FGF14: variants seen among roughly 807,000 people sequenced by gnomAD.
FGF14 encodes the protein fibroblast growth factor 14.
FGF14 carries 5 observed loss-of-function variants against 25.5 expected under a neutral mutation model. That is an observed-to-expected ratio of 0.20 (90% confidence interval 0.10 to 0.41). FGF14 has a LOEUF of 0.41. Among genes scored for constraint, FGF14 ranks in the 10% least tolerant of loss-of-function variants. FGF14 has a pLI of 1.00. For missense variants in FGF14, 222 were observed against 320.1 expected (o/e 0.69, Z 2.34); for synonymous variants, 138 against 118.3 (o/e 1.17, Z -1.08).
rs189061713 is a variant in FGF14 at position 102,211,050 on chromosome 13, C to T, written c.208+190421G>A. Among the ~76,000 whole-genome samples the T allele has an allele frequency of 3.0e-4, 46 of 152,208 alleles. No individual in the cohort carries two copies. In the South Asian group the frequency reaches 6.6e-3, roughly 22 times the overall value. Reference sequence around the variant, plus strand: ...TGTTTATTTCTCTGACTGCCCTCCTCCCTTTATTCTCATTTTTTATCTTTC... The same window carrying T: ...TGTTTATTTCTCTGACTGCCCTCCTTCCTTTATTCTCATTTTTTATCTTTC... On this transcript the variant is annotated intron_variant, in intron 1 of 4. Transcript: ENST00000376131.
chr13:101,929,418 A>G (rs931547125), intron 1 of FGF14, among the ~76,000 whole-genome samples: 2 of 152,228 alleles, frequency 1.3e-5, no homozygotes, highest in African/African-American at 4.8e-5. Context: ...GAAGCAGCCT[A>G]ATCTGTGTCA....
intron 1 of FGF14, among the ~76,000 whole-genome samples, chr13:101,974,521 T>C (rs1277154215): frequency 3.9e-5 from 6 of 152,166 alleles, no homozygotes; most frequent in African/African-American, 1.4e-4. Flanking sequence ...TGCAACATAA[T>C]AATATTTTAA....
At position 102,040,576 on chromosome 13, in the gene FGF14, C is replaced by T. The variant is rs558456437; in HGVS notation, c.209-165280G>A. Among the ~76,000 whole-genome samples the T allele has an allele frequency of 5.9e-5, 9 of 152,148 alleles. No individual in the cohort carries two copies. In the South Asian group the frequency reaches 1.2e-3, roughly 21 times the overall value. On this transcript the variant is annotated intron_variant, in intron 1 of 4. Coordinates refer to the FGF14 transcript ENST00000376131. The stretch of plus-strand genomic sequence containing the variant: ...ATCATGTCACAAAAATACAGTGAAA[C>T]GCTAGGAAAGCTTCTTTGTAGGATA...
intron 3 of FGF14, among the ~76,000 whole-genome samples, chr13:101,779,876 G>A (rs963496728): frequency 4.6e-5 from 7 of 152,096 alleles, no homozygotes; most frequent in African/African-American, 1.7e-4. Context: ...GAAACTGCAT[G>A]GGCTATGTGT....
intron 1 of FGF14, among the ~76,000 whole-genome samples, chr13:102,269,528 TTATTTTATTTTG>T (rs1357426243): frequency 1.3e-5 from 2 of 152,158 alleles, no homozygotes; most frequent in East Asian, 1.9e-4. Context: ...CTGGCAATCT[TTATTTTATTTTG>T]TATTTTATTT....
At chr13:102,335,929 C>T (rs565065747) in intron 1 of FGF14, among the ~76,000 whole-genome samples, 64 of 152,196 alleles carry the variant, frequency 4.2e-4, no homozygotes, top group South Asian at 6.2e-4. Context: ...CATGTAAGAC[C>T]GTGAACTTCA....
chr13:102,112,847 A>G (rs2045299200), intron 1 of FGF14, among the ~76,000 whole-genome samples: 1 of 152,332 alleles, frequency 6.6e-6, no homozygotes, highest in East Asian at 1.9e-4. Context: ...AGTTTCATCA[A>G]GCTTGAGCAA....
At position 101,898,341 on chromosome 13, in the gene FGF14, A is replaced by AACACACACACACACACAC. The variant is rs55676818; in HGVS notation, c.193+18094_193+18111dup. On this transcript the variant is annotated intron_variant, in intron 1 of 4. Coordinates refer to ENST00000376143, the MANE Select transcript of FGF14 (RefSeq NM_004115.4). ...ACCTGTATAAAGGCATGAAACATAC[A>AACACACACACACACACAC]ACACACACACACACACACACACACA... Among the ~76,000 whole-genome samples, 103 of 144,464 alleles carry AACACACACACACACACAC rather than the reference A, an allele frequency of 7.1e-4. 1 individual carries two copies. Among genetic ancestry groups the AACACACACACACACACAC allele is most frequent in the African/African-American group, 2.5e-3 (98 of 38,538 alleles). The allele number at this position is 144,464 out of a possible 152,430, so 94.8% of individuals were successfully genotyped here.
At chr13:101,793,739 C>T (rs1406797440) in intron 3 of FGF14, among the ~76,000 whole-genome samples, 2 of 152,086 alleles carry the variant, frequency 1.3e-5, no homozygotes, top group African/African-American at 4.8e-5. Context: ...CCCATCACTT[C>T]CTACACCCAA....
chr13:102,312,288 A>G (rs1443527619), intron 1 of FGF14, among the ~76,000 whole-genome samples: 1 of 151,964 alleles, frequency 6.6e-6, no homozygotes, highest in Non-Finnish European at 1.5e-5. Flanking sequence ...AAAAAACTTA[A>G]GTGGGAGAGA....
At chr13:102,248,398 G>C (rs1159310949) in intron 1 of FGF14, among the ~76,000 whole-genome samples, 6 of 152,122 alleles carry the variant, frequency 3.9e-5, no homozygotes, top group African/African-American at 1.4e-4. Context: ...TGAGGAAACA[G>C]ATAAAATGAG....
intron 1 of FGF14, among the ~76,000 whole-genome samples, chr13:102,350,304 G>A (rs1300983725): frequency 1.3e-5 from 2 of 151,882 alleles, no homozygotes; most frequent in African/African-American, 4.8e-5. Flanking sequence ...AAGAGTTTGA[G>A]GTTGTTGTGA....
At chr13:101,956,485 A>G (rs1181175515) in intron 1 of FGF14, among the ~76,000 whole-genome samples, 1 of 152,146 alleles carries the variant, frequency 6.6e-6, no homozygotes, top group Non-Finnish European at 1.5e-5. Context: ...ATGTATCGGG[A>G]GACTGGTAGT....
intron 1 of FGF14, among the ~76,000 whole-genome samples, chr13:102,318,589 GTCT>G (rs376935154): frequency 7.8e-4 from 119 of 152,236 alleles, no homozygotes; most frequent in African/African-American, 2.8e-3. Flanking sequence ...CCTGATCTGT[GTCT>G]TCTTCTTCGA....
At chr13:102,007,757 T>C (rs905881598) in intron 1 of FGF14, among the ~76,000 whole-genome samples, 8 of 152,226 alleles carry the variant, frequency 5.3e-5, no homozygotes, top group Admixed American at 5.2e-4. Flanking sequence ...GTTATTAACT[T>C]TTCACTCTAT....
Position 101,819,115 on chromosome 13 carries a change from G to A in FGF14, c.408+49610C>T, listed in dbSNP as rs138180451. Among the ~76,000 whole-genome samples, 7 of 152,238 alleles carry A rather than the reference G, an allele frequency of 4.6e-5. No homozygotes were observed. In the East Asian group the frequency reaches 1.3e-3, roughly 29 times the overall value. On this transcript the variant is annotated intron_variant, in intron 3 of 4. Coordinates refer to ENST00000376143, the MANE Select transcript of FGF14 (RefSeq NM_004115.4). ...ATCATTGTAACAAGCTTACAAGGTA[G>A]GGATTGTTTATCCCAAATTTACAGT...
intron 1 of FGF14, among the ~76,000 whole-genome samples, chr13:102,275,585 A>T (rs935904565): frequency 4.6e-5 from 7 of 152,168 alleles, no homozygotes; most frequent in Non-Finnish European, 7.4e-5. Flanking sequence ...CAATAATCTC[A>T]ACAGCTGAAA....
In FGF14 at chr13:102,215,823, C is replaced by T. The variant is rs143605237; in HGVS notation, c.208+185648G>A. On this transcript the variant is annotated intron_variant, in intron 1 of 4. Transcript: ENST00000376131. ...TGAGTGAAAAAGGGAATAGGGACGA[C>T]GCTATGTACATTATTTTAGGCACAC... Among the ~76,000 whole-genome samples, 16 of 152,316 alleles carry T rather than the reference C, an allele frequency of 1.1e-4. 2 individuals carry two copies. Among genetic ancestry groups the T allele is most frequent in the East Asian group, 3.9e-4 (2 of 5,186 alleles).
intron 4 of FGF14, chr13:101,723,228 T>C (rs1360829065): frequency 2.1e-6 from 1 of 481,726 alleles, no homozygotes; most frequent in Non-Finnish European, 3.8e-6. Context: ...ACAGCAGGTT[T>C]AAATGGGAGC....
Sources: gnomAD v4.1 joint callset for allele counts (sites outside exome capture counted in the v4.1 genomes callset) on GRCh38, gnomAD v4.1.1 for gene constraint, MANE v1.5 for transcripts, NCBI Gene and HGNC (gene_info 2026-07-23, HGNC 2026-07-21) for gene names.